Variants in COL5A1 observed in about 807,000 individuals in gnomAD.
COL5A1 encodes the protein collagen type V alpha 1 chain, also known as collagen alpha-1(V) chain.
A neutral mutation model predicts 263.7 loss-of-function variants in COL5A1; 16 were observed. The observed-to-expected ratio is 0.06, with a 90% CI of 0.04 to 0.09. The LOEUF is 0.09. Ranked by LOEUF, COL5A1 falls within the 10% of genes least tolerant of loss-of-function variation. The probability of loss-of-function intolerance (pLI) is 1.00; values close to 1 mark genes in which losing one functional copy is unlikely to be tolerated. For synonymous variants in COL5A1, 1,012 were observed against 1,004.5 expected (o/e 1.01, Z -0.14); for missense variants, 2,036 against 2,540.5 (o/e 0.80, Z 4.27).
Position 134,789,605 on chromosome 9 carries a change from A to G in COL5A1, c.2700+397A>G, listed in dbSNP as rs73664142. Reference sequence around the variant, plus strand: ...TTTTTCCCTTCAAAAATGTCCTGCTACTTAACCGTCGTCCAAATTTAAAGT... The same window carrying G: ...TTTTTCCCTTCAAAAATGTCCTGCTGCTTAACCGTCGTCCAAATTTAAAGT... On this transcript the variant is annotated intron_variant, in intron 32 of 65. Transcript: ENST00000371817. The surrounding 1 kb of genome is among the most constrained non-coding windows in gnomAD (Gnocchi z 4.8). Among the ~76,000 whole-genome samples the G allele has an allele frequency of 0.031, 4,788 of 152,306 alleles. 210 individuals carry two copies. The highest frequency in any genetic ancestry group is 0.11 in the African/African-American group (4,509 of 41,546).
At position 134,642,162 on chromosome 9, in the gene COL5A1, TGCGCCCCGGCCC is replaced by T. The variant is rs1373957364; in HGVS notation, c.-17_-6del. On this transcript the variant is annotated 5_prime_UTR_variant, in exon 1 of 66. Transcript: ENST00000371817. This position sits in a 1 kb window ranked among gnomAD's most constrained non-coding sequence, Gnocchi z 4.5. ...CCCCGCGCGCCTCCGAGCGCCCCTG[TGCGCCCCGGCCC>T]GCGCCCCGCCGGCATGGACGTCCAT... 8.0e-7 allele frequency: 1 copy of T among 1,246,176 alleles called. No homozygotes were observed. The highest frequency in any genetic ancestry group is 1.6e-5 in the African/African-American group (1 of 63,990). 77.2% of individuals were successfully genotyped at this position (1,246,176 alleles called of 1,614,324 possible). A position where few individuals can be genotyped will look rare whatever the true frequency, so the allele number is the denominator to read the frequency against.
intron 1 of COL5A1, among the ~76,000 whole-genome samples, chr9:134,657,352 G>A (rs1468169072): frequency 1.1e-5 from 1 of 88,278 alleles, no homozygotes; most frequent in Non-Finnish European, 2.3e-5. Flanking sequence ...ATGGGGGCTG[G>A]GGTAGGGGGT....
intron 63 of COL5A1, among the ~76,000 whole-genome samples, chr9:134,828,995 C>T (rs900334182): frequency 1.6e-4 from 24 of 151,836 alleles, no homozygotes; most frequent in South Asian, 4.2e-4. Context: ...ACACCATGCA[C>T]GCGCACACAC....
At chr9:134,723,316 G>A (rs531765139) in intron 4 of COL5A1, among the ~76,000 whole-genome samples, 17 of 120,946 alleles carry the variant, frequency 1.4e-4, no homozygotes, top group Middle Eastern at 4.2e-3. Flanking sequence ...GGGGTGATGC[G>A]GGGGGTTCAG....
At chr9:134,829,562 G>A (rs12348816) in intron 63 of COL5A1, among the ~76,000 whole-genome samples, 30,525 of 145,106 alleles carry the variant, frequency 0.21, 4,038 homozygotes, top group Admixed American at 0.29. Flanking sequence ...TCTCCCCGAG[G>A]GCCCAGGCCG....
chr9:134,671,888 G>A (rs940430482), intron 1 of COL5A1, among the ~76,000 whole-genome samples: 1 of 152,350 alleles, frequency 6.6e-6, no homozygotes, highest in East Asian at 1.9e-4. Flanking sequence ...GCCAACAGGC[G>A]CGTTTGTCTT....
chr9:134,657,848 C>T (rs1377683780), intron 1 of COL5A1, among the ~76,000 whole-genome samples: 1 of 151,854 alleles, frequency 6.6e-6, no homozygotes, highest in Non-Finnish European at 1.5e-5. Flanking sequence ...AGTGGCCTGG[C>T]TTATGGCCTG....
chr9:134,772,328 C>T (rs1469193653), intron 25 of COL5A1, among the ~76,000 whole-genome samples: 2 of 152,270 alleles, frequency 1.3e-5, no homozygotes, highest in African/African-American at 2.4e-5. Context: ...ATGCCAGGAA[C>T]CTGGTCCCAG....
chr9:134,718,878 G>C (rs1443419637), intron 4 of COL5A1, among the ~76,000 whole-genome samples: 1 of 152,200 alleles, frequency 6.6e-6, no homozygotes, highest in African/African-American at 2.4e-5. Context: ...TCCTCCTGGG[G>C]GGGCTGCAAG....
At chr9:134,809,125 TG>T in intron 42 of COL5A1, 57 bp from the exon 43 acceptor site, 4 of 1,385,758 alleles carry the variant, frequency 2.9e-6, no homozygotes, top group Non-Finnish European at 4.0e-6. Flanking sequence ...AATGAGCTGG[TG>T]GGGGGATGTT....
Position 134,774,862 on chromosome 9 carries a change from C to T in COL5A1, c.2335C>T (p.Pro779Ser), listed in dbSNP as rs1452050575. Residue 779 changes from proline (P) to serine (S), a missense_variant, in exon 27 of 66, where the codon CCA (proline) becomes TCA (serine). By Grantham distance (74) the Pro-to-Ser change is moderately conservative. This residue lies in a region of COL5A1 where 1,078 missense variants were observed against 1,521.4 expected (regional missense o/e 0.71). Coordinates refer to ENST00000371817, the MANE Select transcript of COL5A1 (RefSeq NM_000093.5). The stretch of plus-strand genomic sequence containing the variant: ...GTCTTTTTCTGTTTGGTTTTAGGGT[C>T]CACCTGGCCCCCAGGGTCCGATTGG... ...GPPGEKGGQG[P>S]PGPQGPIGYP... 6.2e-7 allele frequency: 1 copy of T among 1,613,740 alleles called. No individual in the cohort carries two copies. Among genetic ancestry groups the T allele is most frequent in the African/African-American group, 1.3e-5 (1 of 75,040 alleles).
At chr9:134,813,758 C>A (rs569464705) in intron 48 of COL5A1, among the ~76,000 whole-genome samples, 41 of 152,378 alleles carry the variant, frequency 2.7e-4, no homozygotes, top group African/African-American at 9.4e-4. Flanking sequence ...GACAGTGTTG[C>A]TTGCAGTCTG....
In COL5A1 at chr9:134,727,257, C is replaced by G. The variant is rs1834697222; in HGVS notation, c.655-9C>G. 6.2e-7 allele frequency: 1 copy of G among 1,613,398 alleles called. No homozygotes were observed. Among genetic ancestry groups the G allele is most frequent in the East Asian group, 2.2e-5 (1 of 44,890 alleles). Reference sequence around the variant, plus strand: ...AGCTGCTTTTTCATGAGCGTCTCTTCTTTTCCAGGGTGACATCCAGCAGCT... The same window carrying G: ...AGCTGCTTTTTCATGAGCGTCTCTTGTTTTCCAGGGTGACATCCAGCAGCT... On this transcript the variant is annotated splice_polypyrimidine_tract_variant and intron_variant, in intron 4 of 65. Transcript: ENST00000371817.
chr9:134,768,530 G>T, intron 25 of COL5A1, 67 bp downstream of exon 25: 2 of 1,487,676 alleles, frequency 1.3e-6, no homozygotes, highest in South Asian at 2.3e-5. Context: ...TAGGGCTGCA[G>T]GCCCAGGCTC....
intron 2 of COL5A1, among the ~76,000 whole-genome samples, chr9:134,699,458 C>T (rs1322285542): frequency 1.3e-5 from 2 of 151,034 alleles, no homozygotes; most frequent in Non-Finnish European, 3.0e-5. Context: ...TTCCTCCCTC[C>T]GTCTCTCTCC....
At position 134,842,200 on chromosome 9, in the gene COL5A1, C is replaced by A. The variant is rs377563294; in HGVS notation, c.5414C>A (p.Pro1805His). ...AAGACGGTTCTGGAGATCGACACCC[C>A]CAAAGTGGAGCAGGTGCCCATCGTG... Reference protein sequence around the residue: ...YQKTVLEIDTPKVEQVPIVDI... With the variant: ...YQKTVLEIDTHKVEQVPIVDI... Residue 1805 changes from proline to histidine, a missense_variant, in exon 66 of 66, where the codon CCC becomes CAC. Pro to His is a moderately conservative substitution (Grantham distance 77). Coordinates refer to ENST00000371817, the MANE Select transcript of COL5A1 (RefSeq NM_000093.5). This position sits in a 1 kb window ranked among gnomAD's most constrained non-coding sequence, Gnocchi z 5.8. The A allele has an allele frequency of 1.9e-6, 3 of 1,614,204 alleles. No individual in the cohort carries two copies. Among genetic ancestry groups the A allele is most frequent in the Non-Finnish European group, 2.5e-6 (3 of 1,180,030 alleles).
Position 134,755,486 on chromosome 9 carries a change from G to C in COL5A1, c.1827+1160G>C, listed in dbSNP as rs1835933234. 6.6e-6 allele frequency among the ~76,000 whole-genome samples: 1 copy of C among 152,170 alleles called. No homozygotes were observed. Among genetic ancestry groups the C allele is most frequent in the Non-Finnish European group, 1.5e-5 (1 of 68,026 alleles). On this transcript the variant is annotated intron_variant, in intron 16 of 65. Coordinates refer to ENST00000371817, the MANE Select transcript of COL5A1 (RefSeq NM_000093.5). The surrounding 1 kb of genome is among the most constrained non-coding windows in gnomAD (Gnocchi z 4.1). ...GAAGATCTGCTGCAGAAGAAAAGAT[G>C]GTGGTGAGAGAGGGGCTTGGAGCTG...
intron 4 of COL5A1, among the ~76,000 whole-genome samples, chr9:134,722,105 G>A (rs1003935281): frequency 6.6e-6 from 1 of 152,224 alleles, no homozygotes; most frequent in African/African-American, 2.4e-5. Context: ...GCTCTTTCTA[G>A]TGTGAAAATC....
At position 134,825,000 on chromosome 9, in the gene COL5A1, G is replaced by C. The variant is rs1052108397; in HGVS notation, c.4954+145G>C. 2.5e-6 allele frequency: 3 copies of C among 1,196,960 alleles called. No homozygotes were observed. In the African/African-American group the frequency reaches 4.6e-5, roughly 18 times the overall value. The allele number at this position is 1,196,960 out of a possible 1,614,324, so 74.1% of individuals were successfully genotyped here. Reference sequence around the variant, plus strand: ...GCCTCCCCATCTGTGGGGCCGGGGTGCGCAAGAGCCTCCCCTCTTGAACTT... The same window carrying C: ...GCCTCCCCATCTGTGGGGCCGGGGTCCGCAAGAGCCTCCCCTCTTGAACTT... On this transcript the variant is annotated intron_variant, in intron 62 of 65. Coordinates refer to ENST00000371817, the MANE Select transcript of COL5A1 (RefSeq NM_000093.5).
Sources: allele counts gnomAD v4.1 joint callset (sites outside exome capture counted in the v4.1 genomes callset), GRCh38; gene constraint gnomAD v4.1.1; regional missense constraint gnomAD v4.1.1; non-coding constraint Gnocchi (gnomAD v3.1); transcripts MANE v1.5; gene names NCBI Gene and HGNC (gene_info 2026-07-23, HGNC 2026-07-21).